PPP1R9A: variants seen among roughly 807,000 people sequenced by gnomAD.
The protein encoded by PPP1R9A is protein phosphatase 1 regulatory subunit 9A, also known as neurabin-1.
A neutral mutation model predicts 141.9 loss-of-function variants in PPP1R9A; 59 were observed. The observed-to-expected ratio is 0.42, with a 90% confidence interval of 0.34 to 0.52. PPP1R9A has a LOEUF of 0.52. Ranked by LOEUF, PPP1R9A falls within the 20% of genes least tolerant of loss-of-function variation. PPP1R9A has a pLI of 0.10. For missense variants in PPP1R9A, 1,444 were observed against 1,611.9 expected (o/e 0.90, Z 1.78); for synonymous variants, 500 against 569.7 (o/e 0.88, Z 1.74).
At chr7:95,029,439 A>G (rs75137504) in intron 2 of PPP1R9A, among the ~76,000 whole-genome samples, 3 of 152,138 alleles carry the variant, frequency 2.0e-5, no homozygotes, top group African/African-American at 7.2e-5. Context: ...TGTGATTGAG[A>G]TAATTGATTC....
Position 94,911,218 on chromosome 7 carries a change from T to G in PPP1R9A, c.1105T>G (p.Phe369Val), listed in dbSNP as rs143757319. The G allele has an allele frequency of 6.2e-7, 1 of 1,614,190 alleles. No individual in the cohort carries two copies. Among genetic ancestry groups the G allele is most frequent in the Non-Finnish European group, 8.5e-7 (1 of 1,180,034 alleles). The change falls in exon 2 of 20, where the codon TTC (phenylalanine) becomes GTC (valine). Residue 369 changes from phenylalanine to valine, a missense_variant. Physicochemically the swap from Phe to Val is conservative, Grantham distance 50 (BLOSUM62 -1). Coordinates refer to ENST00000433360, the MANE Select transcript of PPP1R9A (RefSeq NM_001166160.2). ...GAGGAAAGAACTTGCAGGTGGTGAT[T>G]TCACCTCTCCTGATGCTTCTGCATC... ...QQRKELAGGD[F>V]TSPDASASSC...
chr7:94,984,487 T>G lies in PPP1R9A; in HGVS notation c.1395+72979T>G, dbSNP rs1477368800. Among the ~76,000 whole-genome samples the G allele has an allele frequency of 3.3e-5, 5 of 152,316 alleles. No homozygotes were observed. The East Asian group carries it at 7.7e-4, about 24-fold the overall frequency. ...GGAGTTTTTTTGGTTGGTAGGCTCT[T>G]AATTATTGCCTCAATTTCAGAGCCT... On this transcript the variant is annotated intron_variant, in intron 2 of 19. Coordinates refer to ENST00000433360, the MANE Select transcript of PPP1R9A (RefSeq NM_001166160.2).
chr7:95,157,599 G>T (rs1829840146), intron 4 of PPP1R9A, among the ~76,000 whole-genome samples: 5 of 152,210 alleles, frequency 3.3e-5, no homozygotes, highest in Admixed American at 3.3e-4. Context: ...CGGCGTGATG[G>T]CAGCGGCAGG....
At chr7:95,079,702 C>G (rs1468745624) in intron 2 of PPP1R9A, among the ~76,000 whole-genome samples, 7 of 152,162 alleles carry the variant, frequency 4.6e-5, no homozygotes, top group Non-Finnish European at 8.8e-5. Flanking sequence ...AAAATACTGG[C>G]AAACTGAATC....
At chr7:94,981,268 C>G (rs1370837332) in intron 2 of PPP1R9A, among the ~76,000 whole-genome samples, 1 of 152,190 alleles carries the variant, frequency 6.6e-6, no homozygotes, top group Non-Finnish European at 1.5e-5. Context: ...CAGTCTCACT[C>G]TGTCGCCCAG....
At chr7:94,930,300 A>G (rs1793995050) in intron 2 of PPP1R9A, among the ~76,000 whole-genome samples, 1 of 152,126 alleles carries the variant, frequency 6.6e-6, no homozygotes, top group Non-Finnish European at 1.5e-5. Context: ...TTGGAGAAAA[A>G]GATTAGAAAG....
intron 2 of PPP1R9A, among the ~76,000 whole-genome samples, chr7:94,956,457 G>C (rs930200385): frequency 3.3e-5 from 5 of 151,998 alleles, no homozygotes; most frequent in African/African-American, 1.2e-4. Context: ...TTTTCCTACA[G>C]TACTGAAATA....
At chr7:95,059,692 G>C (rs1811964991) in intron 2 of PPP1R9A, among the ~76,000 whole-genome samples, 1 of 152,184 alleles carries the variant, frequency 6.6e-6, no homozygotes, top group African/African-American at 2.4e-5. Context: ...TATGCTGAGT[G>C]TGACTTTGAA....
chr7:94,955,603 G>T (rs2151075936), intron 2 of PPP1R9A, among the ~76,000 whole-genome samples: 1 of 152,074 alleles, frequency 6.6e-6, no homozygotes, highest in African/African-American at 2.4e-5. Flanking sequence ...CACTGAAACG[G>T]GTATAGCTAT....
intron 5 of PPP1R9A, among the ~76,000 whole-genome samples, chr7:95,170,454 G>A (rs1046781769): frequency 2.0e-5 from 3 of 151,520 alleles, no homozygotes; most frequent in African/African-American, 4.8e-5. Flanking sequence ...CAAAATACTT[G>A]AAATCAGTAG....
intron 5 of PPP1R9A, among the ~76,000 whole-genome samples, chr7:95,190,670 G>A (rs779945637): frequency 3.9e-5 from 6 of 152,192 alleles, no homozygotes; most frequent in African/African-American, 7.2e-5. Context: ...AGGAGGTGGC[G>A]CTTTCAAGAG....
chr7:94,951,863 GTT>G lies in PPP1R9A; in HGVS notation c.1395+40358_1395+40359del, dbSNP rs1297493413. ...GGACTTTTTTTTTTTTGCATTATGA[GTT>G]TTAAATTTTTCATTCAACCTCTTTG... On this transcript the variant is annotated intron_variant, in intron 2 of 19. Transcript: ENST00000433360. 5.3e-5 allele frequency among the ~76,000 whole-genome samples: 8 copies of G among 150,654 alleles called. No individual in the cohort carries two copies. In the East Asian group the frequency reaches 1.6e-3, roughly 29 times the overall value.
At chr7:95,205,812 A>G (rs567936078) in intron 7 of PPP1R9A, among the ~76,000 whole-genome samples, 2 of 152,286 alleles carry the variant, frequency 1.3e-5, no homozygotes, top group Non-Finnish European at 2.9e-5. Context: ...TTATTTATCC[A>G]TAAATTCCCC....
chr7:95,042,428 A>G (rs1162524941), intron 2 of PPP1R9A, among the ~76,000 whole-genome samples: 2 of 152,214 alleles, frequency 1.3e-5, no homozygotes, highest in Non-Finnish European at 2.9e-5. Flanking sequence ...AAATGAATTT[A>G]AGAATGCTAT....
chr7:95,234,299 TC>T (rs1402571236), intron 8 of PPP1R9A, among the ~76,000 whole-genome samples: 2 of 152,152 alleles, frequency 1.3e-5, no homozygotes, highest in African/African-American at 4.8e-5. Context: ...TCCAAAAAGT[TC>T]CTAGAACTGG....
intron 2 of PPP1R9A, among the ~76,000 whole-genome samples, chr7:95,030,384 G>C (rs1807497784): frequency 6.6e-6 from 1 of 152,130 alleles, no homozygotes; most frequent in African/African-American, 2.4e-5. Context: ...TTTGGCATTT[G>C]GTGGTGTTCT....
intron 4 of PPP1R9A, among the ~76,000 whole-genome samples, chr7:95,140,364 A>C (rs1277803462): frequency 1.3e-5 from 2 of 152,152 alleles, no homozygotes; most frequent in Non-Finnish European, 2.9e-5. Flanking sequence ...TTAATCCATT[A>C]ATTAATTTTC....
intron 2 of PPP1R9A, among the ~76,000 whole-genome samples, chr7:94,933,039 T>C (rs1274347366): frequency 1.3e-5 from 2 of 152,026 alleles, no homozygotes; most frequent in South Asian, 2.1e-4. Flanking sequence ...TCTCTGCATA[T>C]ATATATACAC....
rs1352931030 is a variant in PPP1R9A at position 94,910,704 on chromosome 7, T to G, written c.591T>G (p.Ala197=). 1 of 1,614,108 alleles carries G rather than the reference T, an allele frequency of 6.2e-7. No homozygotes were observed. Among genetic ancestry groups the G allele is most frequent in the Non-Finnish European group, 8.5e-7 (1 of 1,180,048 alleles). Reference sequence around the variant, plus strand: ...ACAGCCTTAGCTCCCGAACTGAGGCTGTCTCCCCAACTGTGAGTCAACTGA... The same window carrying G: ...ACAGCCTTAGCTCCCGAACTGAGGCGGTCTCCCCAACTGTGAGTCAACTGA... ...SLDSLSSRTE[A]VSPTVSQLSA... Residue 197 remains alanine (A), a synonymous_variant, in exon 2 of 20, where the codon GCT becomes GCG. Transcript: ENST00000433360. The surrounding 1 kb of genome is among the most constrained non-coding windows in gnomAD (Gnocchi z 4.5).
Sources: gnomAD v4.1 joint callset for allele counts (sites outside exome capture counted in the v4.1 genomes callset) on GRCh38, gnomAD v4.1.1 for gene constraint, Gnocchi (gnomAD v3.1) non-coding constraint, MANE v1.5 for transcripts, NCBI Gene and HGNC (gene_info 2026-07-23, HGNC 2026-07-21) for gene names.